AREL1: variants seen among roughly 807,000 people sequenced by gnomAD.
The protein encoded by AREL1 is apoptosis resistant E3 ubiquitin protein ligase 1.
A neutral mutation model predicts 99.0 loss-of-function variants in AREL1; 62 were observed. The ratio of observed to expected loss-of-function variants is 0.63; its 90% CI spans 0.51 to 0.77. AREL1 has a LOEUF of 0.77. Among genes scored for constraint, AREL1 ranks in the 30% least tolerant of loss-of-function variants. The pLI is 0.00. For missense variants in AREL1, 879 were observed against 1,027.6 expected (o/e 0.86, Z 1.98); for synonymous variants, 380 against 376.5 (o/e 1.01, Z -0.11).
chr14:74,683,828 A>G (rs1037253053), intron 4 of AREL1, among the ~76,000 whole-genome samples: 4 of 152,196 alleles, frequency 2.6e-5, no homozygotes, highest in African/African-American at 4.8e-5. Flanking sequence ...TGAACCACCA[A>G]TGCTGCCTCC....
intron 15 of AREL1, 97 bp downstream of exon 15, chr14:74,669,552 T>G: frequency 2.1e-6 from 3 of 1,460,968 alleles, no homozygotes; most frequent in Non-Finnish European, 2.8e-6. Flanking sequence ...AACACAAATA[T>G]GGAACATTTC....
intron 2 of AREL1, among the ~76,000 whole-genome samples, chr14:74,690,732 C>T (rs558760888): frequency 6.6e-6 from 1 of 152,262 alleles, no homozygotes; most frequent in South Asian, 2.1e-4. Flanking sequence ...TCAAGTTCAT[C>T]TCTTTAGTGT....
chr14:74,679,737 A>G (rs1303542494), intron 5 of AREL1, among the ~76,000 whole-genome samples: 2 of 152,168 alleles, frequency 1.3e-5, no homozygotes, highest in Non-Finnish European at 2.9e-5. Context: ...CTGAGGCAGG[A>G]GAATTGCTTG....
chr14:74,686,542 G>A (rs1381865948), intron 2 of AREL1, among the ~76,000 whole-genome samples: 1 of 152,228 alleles, frequency 6.6e-6, no homozygotes, highest in Non-Finnish European at 1.5e-5. Flanking sequence ...TTTCAAGTCA[G>A]CGTACACTAA....
At chr14:74,712,038 C>CAAAAAAAAAAAAAAAAAAAAAAAG (rs2090305770) in intron 1 of AREL1, 1 of 28,708 alleles carries the variant, frequency 3.5e-5, no homozygotes, top group African/African-American at 1.4e-4. Context: ...AGACAAAGTG[C>CAAAAAAAAAAAAAAAAAAAAAAAG]AAAAAAAAAA....
At position 74,684,656 on chromosome 14, in the gene AREL1, G is replaced by A. The variant is rs770949348; in HGVS notation, c.41C>T (p.Ala14Val). The A allele has an allele frequency of 4.2e-5, 67 of 1,614,128 alleles. No individual in the cohort carries two copies. In the African/African-American group the frequency reaches 7.7e-4, roughly 19 times the overall value. ...GAGGAACTTAATTGTGAAGAAGAATGCAACCACAGACACTGTGATTCCACC... is the reference window on the plus strand; with the variant it reads ...GAGGAACTTAATTGTGAAGAAGAATACAACCACAGACACTGTGATTCCACC... Reference protein sequence around the residue: ...VIGGITVSVVAFFFTIKFLFE... With the variant: ...VIGGITVSVVVFFFTIKFLFE... Residue 14 changes from alanine (A) to valine (V), a missense_variant, in exon 4 of 20, where the codon GCA becomes GTA. By Grantham distance (64) the Ala-to-Val change is moderately conservative (BLOSUM62 0). Coordinates refer to ENST00000356357, the MANE Select transcript of AREL1 (RefSeq NM_001039479.2).
chr14:74,693,895 G>A (rs1313656808), intron 1 of AREL1, among the ~76,000 whole-genome samples: 1 of 152,180 alleles, frequency 6.6e-6, no homozygotes, highest in Non-Finnish European at 1.5e-5. Flanking sequence ...ACAGCAACAT[G>A]ACCGGGCACA....
chr14:74,669,828 T>TGTA, intron 14 of AREL1, 54 bp from the exon 15 acceptor site: 1 of 1,606,362 alleles, frequency 6.2e-7, no homozygotes, highest in Non-Finnish European at 8.5e-7. Context: ...CCCTGAAAGG[T>TGTA]GTAACTGCTT....
In AREL1 at chr14:74,663,691, T is replaced by G. The variant is rs765007554; in HGVS notation, c.*29A>C. On this transcript the variant is annotated 3_prime_UTR_variant, in exon 20 of 20. Coordinates refer to ENST00000356357, the MANE Select transcript of AREL1 (RefSeq NM_001039479.2). ...TTGCGCCCAGAAGCTCCAGAGAGCA[T>G]GGGAGCCAACTGGATGACAGGAGAG... The G allele has an allele frequency of 1.2e-6, 2 of 1,602,128 alleles. No homozygotes were observed. Among genetic ancestry groups the G allele is most frequent in the African/African-American group, 2.7e-5 (2 of 74,654 alleles).
chr14:74,663,808 C>A lies in AREL1; in HGVS notation c.2384G>T (p.Cys795Phe). ...PTAHTCFNQL[C>F]LPTYDSYEEV... ...TTCATAGGAGTCATATGTAGGGAGGCACAGCTGGTTAAAACTGGAAGGGCA... is the reference window on the plus strand; with the variant it reads ...TTCATAGGAGTCATATGTAGGGAGGAACAGCTGGTTAAAACTGGAAGGGCA... Residue 795 changes from cysteine (C) to phenylalanine (F), a missense_variant, in exon 20 of 20, where the codon TGC becomes TTC. By Grantham distance (205) the Cys-to-Phe change is radical. Transcript: ENST00000356357. 17 of 1,614,150 alleles carry A rather than the reference C, an allele frequency of 1.1e-5. No individual in the cohort carries two copies. Among genetic ancestry groups the A allele is most frequent in the Non-Finnish European group, 1.4e-5 (17 of 1,180,022 alleles).
intron 1 of AREL1, among the ~76,000 whole-genome samples, chr14:74,705,712 C>A (rs1460620573): frequency 6.6e-6 from 1 of 152,166 alleles, no homozygotes; most frequent in African/African-American, 2.4e-5. Flanking sequence ...TTAAGCTAAC[C>A]AAGACAAAAG....
rs1287861268 is a variant in AREL1 at position 74,672,871 on chromosome 14, T to C, written c.1382A>G (p.Lys461Arg). 3 of 1,614,186 alleles carry C rather than the reference T, an allele frequency of 1.9e-6. No homozygotes were observed. Among genetic ancestry groups the C allele is most frequent in the African/African-American group, 2.7e-5 (2 of 75,052 alleles). Reference sequence around the variant, plus strand: ...ATGTCTGCTGACCTTCAGGGTGACTTTGGAATGTGGTCTTTTCATATGTAC... The same window carrying C: ...ATGTCTGCTGACCTTCAGGGTGACTCTGGAATGTGGTCTTTTCATATGTAC... The part of the protein sequence containing the change: ...RQVHMKRPHS[K>R]VTLKVSRHAL... The change falls in exon 11 of 20, where the codon AAA (lysine) becomes AGA (arginine). Residue 461 changes from lysine to arginine, a missense_variant. By Grantham distance (26) the Lys-to-Arg change is conservative (BLOSUM62 2). Coordinates refer to ENST00000356357, the MANE Select transcript of AREL1 (RefSeq NM_001039479.2).
intron 1 of AREL1, among the ~76,000 whole-genome samples, chr14:74,709,393 C>A: frequency 6.6e-6 from 1 of 152,186 alleles, no homozygotes; most frequent in East Asian, 1.9e-4. Flanking sequence ...CTGACCTGGA[C>A]CACTTACAGA....
chr14:74,682,023 A>C (rs1305161534), intron 5 of AREL1, among the ~76,000 whole-genome samples: 1 of 152,238 alleles, frequency 6.6e-6, no homozygotes, highest in Non-Finnish European at 1.5e-5. Flanking sequence ...TCAAAAAATA[A>C]AAAGTTTAAT....
At chr14:74,673,478 G>C (rs73301909) in intron 9 of AREL1, among the ~76,000 whole-genome samples, 20 of 152,116 alleles carry the variant, frequency 1.3e-4, no homozygotes, top group Non-Finnish European at 2.9e-4. Context: ...ATATAAGAAG[G>C]GTGATATGTT....
chr14:74,673,248 A>C (rs369397490), intron 9 of AREL1, 30 bp from the exon 10 acceptor site: 148 of 1,611,080 alleles, frequency 9.2e-5, no homozygotes, highest in Non-Finnish European at 1.2e-4. Flanking sequence ...AAATTAATCT[A>C]TAAAACCCTC....
intron 5 of AREL1, among the ~76,000 whole-genome samples, chr14:74,677,682 T>C (rs2089523501): frequency 6.6e-6 from 1 of 151,802 alleles, no homozygotes; most frequent in Admixed American, 6.6e-5. Context: ...TTTGTATTTT[T>C]AGTAGAGACA....
chr14:74,699,368 TGTGTGTGTGA>T (rs1156920695), intron 1 of AREL1, among the ~76,000 whole-genome samples: 98 of 130,018 alleles, frequency 7.5e-4, no homozygotes, highest in African/African-American at 2.7e-3. Flanking sequence ...TGTGTGTGTG[TGTGTGTGTGA>T]GAGAGAGAGA....
At chr14:74,670,923 A>AT (rs1320438745) in intron 12 of AREL1, 52 bp from the exon 13 acceptor site, 2 of 1,454,398 alleles carry the variant, frequency 1.4e-6, no homozygotes, top group African/African-American at 2.8e-5. Flanking sequence ...TCCTCTTACC[A>AT]CTTTTGTTTA....
Sources: gnomAD v4.1 joint callset for allele counts (sites outside exome capture counted in the v4.1 genomes callset) on GRCh38, gnomAD v4.1.1 for gene constraint, MANE v1.5 for transcripts, NCBI Gene and HGNC (gene_info 2026-07-23, HGNC 2026-07-21) for gene names.